MYO10: variants seen among roughly 807,000 people sequenced by gnomAD.
MYO10 encodes unconventional myosin-X.
In MYO10, 133 loss-of-function variants were observed where a neutral mutation model predicts 257.3. That is an observed-to-expected ratio of 0.52 (90% CI 0.45 to 0.60). MYO10 has a LOEUF of 0.60. Ranked by LOEUF, MYO10 falls within the 20% of genes least tolerant of loss-of-function variation. The pLI, the probability that MYO10 is intolerant of heterozygous loss-of-function variation, is 0.00. For synonymous variants in MYO10, 1,104 were observed against 1,028.6 expected (o/e 1.07, Z -1.40); for missense variants, 2,399 against 2,635.7 (o/e 0.91, Z 1.97).
intron 1 of MYO10, among the ~76,000 whole-genome samples, chr5:16,909,783 G>A (rs1745612470): frequency 1.3e-5 from 2 of 152,062 alleles, no homozygotes; most frequent in South Asian, 4.2e-4. Context: ...TCATGATCGT[G>A]GGGGCAGATC....
At chr5:16,683,787 C>G in intron 30 of MYO10, 93 bp downstream of exon 30, 1 of 1,257,778 alleles carries the variant, frequency 8.0e-7, no homozygotes, top group Non-Finnish European at 1.1e-6. Flanking sequence ...GATTTCACAG[C>G]CCTGTGAAGA....
At position 16,694,366 on chromosome 5, in the gene MYO10, C is replaced by A. The variant is rs1305181792; in HGVS notation, c.3800+5G>T. On this transcript the variant is annotated splice_donor_5th_base_variant and intron_variant, in intron 27 of 40. Transcript: ENST00000513610. The stretch of plus-strand genomic sequence containing the variant: ...ATCGGGCCACAGCCAGGCTTAGCAA[C>A]CTACTTTGCCGTTCGCACTTCTACG... 6 of 1,613,964 alleles carry A rather than the reference C, an allele frequency of 3.7e-6. No homozygotes were observed. The highest frequency in any genetic ancestry group is 5.1e-6 in the Non-Finnish European group (6 of 1,179,838).
At position 16,704,676 on chromosome 5, in the gene MYO10, G is replaced by T; in HGVS notation, c.2179C>A (p.Arg727=). The T allele has an allele frequency of 6.2e-7, 1 of 1,613,706 alleles. No individual in the cohort carries two copies. The highest frequency in any genetic ancestry group is 8.5e-7 in the Non-Finnish European group (1 of 1,179,772). ...WQLGKTKVFL[R]ESLEQKLEKR... ...TCCAGTTTCTGTTCCAAGGATTCTC[G>T]AAGAAAGACCTGCTCAGGACGGAGT... is the stretch of plus-strand genomic sequence containing the variant. The change falls in exon 22 of 41, where the codon CGA becomes AGA. Residue 727 remains arginine (R), a synonymous_variant. Coordinates refer to ENST00000513610, the MANE Select transcript of MYO10 (RefSeq NM_012334.3).
intron 9 of MYO10, among the ~76,000 whole-genome samples, chr5:16,769,975 C>T (rs907381331): frequency 6.6e-6 from 1 of 151,866 alleles, no homozygotes; most frequent in Admixed American, 6.6e-5. Context: ...CTCATGTTGG[C>T]CAGGCTGGTC....
At chr5:16,703,499 T>C (rs936098940) in intron 22 of MYO10, among the ~76,000 whole-genome samples, 3 of 152,162 alleles carry the variant, frequency 2.0e-5, no homozygotes, top group Non-Finnish European at 2.9e-5. Flanking sequence ...AAAAAAATCA[T>C]CACAGCAGGA....
chr5:16,878,028 C>T (rs1744654899), intron 1 of MYO10, among the ~76,000 whole-genome samples: 2 of 152,258 alleles, frequency 1.3e-5, no homozygotes, highest in South Asian at 2.1e-4. Flanking sequence ...TGACCATTCC[C>T]ATTTTACAGA....
chr5:16,818,410 G>A (rs79489729), intron 2 of MYO10, among the ~76,000 whole-genome samples: 17,315 of 89,172 alleles, frequency 0.19, 1,305 homozygotes, highest in South Asian at 0.34. Context: ...GTGTGTGTGT[G>A]TATATATATA....
chr5:16,806,697 G>A (rs2126693404), intron 3 of MYO10, among the ~76,000 whole-genome samples: 1 of 151,922 alleles, frequency 6.6e-6, no homozygotes, highest in Middle Eastern at 3.4e-3. Context: ...GTGACTCAGT[G>A]GCCTCATACA....
Position 16,676,059 on chromosome 5 carries a change from G to C in MYO10, c.4638C>G (p.Pro1546=). The C allele has an allele frequency of 1.2e-6, 2 of 1,612,712 alleles. No individual in the cohort carries two copies. Among genetic ancestry groups the C allele is most frequent in the Non-Finnish European group, 8.5e-7 (1 of 1,179,448 alleles). Reference sequence around the variant, plus strand: ...TGAGATTTATGTCCCCATACGGAAGGGGCAGGAGCGGGGAGTGCAAGGGGT... The same window carrying C: ...TGAGATTTATGTCCCCATACGGAAGCGGCAGGAGCGGGGAGTGCAAGGGGT... ...THHPLHSPLL[P]LPYGDINLNL... Residue 1546 remains proline (P), a synonymous_variant, in exon 34 of 41, where the codon CCC becomes CCG. Coordinates refer to ENST00000513610, the MANE Select transcript of MYO10 (RefSeq NM_012334.3).
At chr5:16,745,015 G>A (rs968232966) in intron 19 of MYO10, among the ~76,000 whole-genome samples, 2 of 152,214 alleles carry the variant, frequency 1.3e-5, no homozygotes, top group Non-Finnish European at 2.9e-5. Context: ...AATGGAAGAT[G>A]CAGAAATGCA....
rs369154900 is a variant in MYO10 at position 16,936,125 on chromosome 5, G to A, written c.-317C>T. 3 of 396,234 alleles carry A rather than the reference G, an allele frequency of 7.6e-6. No individual in the cohort carries two copies. Among genetic ancestry groups the A allele is most frequent in the African/African-American group, 4.3e-5 (2 of 46,602 alleles). The allele number at this position is 396,234 out of a possible 1,614,324, so 24.5% of individuals were successfully genotyped here. Reference sequence around the variant, plus strand: ...CCCCCAGGCGGGGGAAGGCGGCGGGGTGCTGGCGAGCGCGGCCCCCTCCCT... The same window carrying A: ...CCCCCAGGCGGGGGAAGGCGGCGGGATGCTGGCGAGCGCGGCCCCCTCCCT... On this transcript the variant is annotated 5_prime_UTR_variant, in exon 1 of 41. Transcript: ENST00000513610.
chr5:16,923,657 C>T (rs576795666), intron 1 of MYO10, among the ~76,000 whole-genome samples: 3 of 137,386 alleles, frequency 2.2e-5, no homozygotes, highest in South Asian at 4.6e-4. Flanking sequence ...GCCTTAAACA[C>T]GCCCATACAC....
intron 6 of MYO10, among the ~76,000 whole-genome samples, chr5:16,781,370 G>T (rs550314032): frequency 6.6e-6 from 1 of 152,262 alleles, no homozygotes; most frequent in East Asian, 1.9e-4. Flanking sequence ...ATGAGCCACT[G>T]CGCCTGGCCG....
intron 19 of MYO10, among the ~76,000 whole-genome samples, chr5:16,731,368 A>G (rs188340413): frequency 6.9e-6 from 1 of 145,332 alleles, no homozygotes; most frequent in East Asian, 2.1e-4. Context: ...TTTAAGATGG[A>G]GTCTCACTCT....
intron 2 of MYO10, among the ~76,000 whole-genome samples, chr5:16,855,449 A>G (rs1487277510): frequency 6.6e-6 from 1 of 152,244 alleles, no homozygotes; most frequent in African/African-American, 2.4e-5. Context: ...ATAAAGCGAG[A>G]TACATGTTTT....
rs370798004 is a variant in MYO10, at chr5:16,822,902, C to T, written c.121-4735G>A. ...CGGGGTTTCACTGTGTTAGCCAGGA[C>T]GGTCTCGATCTCCTGACCTCGTGAT... On this transcript the variant is annotated intron_variant, in intron 2 of 40. Transcript: ENST00000513610. Among the ~76,000 whole-genome samples the T allele has an allele frequency of 6.8e-3, 1,036 of 151,400 alleles. 16 individuals are homozygous for T. Among genetic ancestry groups the T allele is most frequent in the African/African-American group, 0.022 (905 of 41,418 alleles).
At chr5:16,761,943 C>T in intron 16 of MYO10, 102 bp downstream of exon 16, 1 of 1,243,142 alleles carries the variant, frequency 8.0e-7, no homozygotes, top group Non-Finnish European at 1.1e-6. Flanking sequence ...TCATGTGAGC[C>T]ACCATGCCCA....
At chr5:16,795,604 A>G (rs1741915605) in intron 3 of MYO10, among the ~76,000 whole-genome samples, 1 of 152,196 alleles carries the variant, frequency 6.6e-6, no homozygotes. Flanking sequence ...CCATCTCAAA[A>G]AAAGTTATGG....
At chr5:16,781,305 C>T (rs181179811) in intron 6 of MYO10, among the ~76,000 whole-genome samples, 31 of 152,228 alleles carry the variant, frequency 2.0e-4, no homozygotes, top group African/African-American at 7.2e-4. Flanking sequence ...GTCTCAAACT[C>T]CTGACCTCAA....
Sources: gnomAD v4.1 joint callset for allele counts (sites outside exome capture counted in the v4.1 genomes callset) on GRCh38, gnomAD v4.1.1 for gene constraint, MANE v1.5 for transcripts, NCBI Gene and HGNC (gene_info 2026-07-23, HGNC 2026-07-21) for gene names.